OPHN1: variants seen among roughly 807,000 people sequenced by gnomAD.
OPHN1 encodes the protein oligophrenin 1.
A neutral mutation model predicts 60.7 loss-of-function variants in OPHN1; 11 were observed. The ratio of observed to expected loss-of-function variants is 0.18; its 90% CI spans 0.11 to 0.30. OPHN1 has a LOEUF of 0.30. Ranked by LOEUF, OPHN1 falls within the 10% of genes least tolerant of loss-of-function variation. The pLI is 1.00. For missense variants in OPHN1, 449 were observed against 611.0 expected, an observed-to-expected ratio of 0.73 and a Z score of 2.80; for synonymous variants, 226 against 222.6, an observed-to-expected ratio of 1.02 and a Z score of -0.14.
intron 20 of OPHN1, among the ~76,000 whole-genome samples, chrX:68,065,136 T>A (rs954384148): frequency 9.0e-6 from 1 of 110,764 alleles, no homozygotes; most frequent in African/African-American, 3.3e-5. Flanking sequence ...GAACTTAAAG[T>A]ATAATAATAA....
chrX:68,127,943 A>T (rs1449698846), intron 15 of OPHN1, among the ~76,000 whole-genome samples: 1 of 112,282 alleles, frequency 8.9e-6, no homozygotes, highest in East Asian at 2.8e-4. Context: ...ATGTAATTTT[A>T]AAAAGAAACA....
chrX:68,267,431 G>A (rs2077936934), intron 5 of OPHN1, among the ~76,000 whole-genome samples: 2 of 111,890 alleles, frequency 1.8e-5, no homozygotes, highest in South Asian at 7.4e-4. Context: ...AATGACTACT[G>A]GGTACATAAC....
intron 18 of OPHN1, among the ~76,000 whole-genome samples, chrX:68,100,242 C>A (rs1013407447): frequency 2.7e-5 from 3 of 110,416 alleles, no homozygotes; most frequent in Non-Finnish European, 5.7e-5. Flanking sequence ...CTTGCCTTTC[C>A]CACCCTATAC....
chrX:68,247,730 G>A (rs2077813474), intron 5 of OPHN1, among the ~76,000 whole-genome samples: 1 of 101,820 alleles, frequency 9.8e-6, no homozygotes, highest in Admixed American at 1.1e-4. Context: ...ACCAGCCTGG[G>A]TAACATGGCA....
intron 5 of OPHN1, among the ~76,000 whole-genome samples, chrX:68,270,084 A>G (rs1369502066): frequency 9.0e-6 from 1 of 110,836 alleles, no homozygotes; most frequent in Admixed American, 9.6e-5. Context: ...AAAAGTCAGG[A>G]AACAACAGGT....
chrX:68,166,401 G>C (rs192134384), intron 15 of OPHN1, among the ~76,000 whole-genome samples: 1,311 of 110,807 alleles, frequency 0.012, 24 homozygotes, highest in African/African-American at 0.042. Context: ...GGGCGTGGTG[G>C]CGGGCGCCTG....
intron 21 of OPHN1, among the ~76,000 whole-genome samples, chrX:68,058,386 C>G (rs2076881372): frequency 9.0e-6 from 1 of 110,894 alleles, no homozygotes; most frequent in African/African-American, 3.3e-5. Context: ...TATAAACTAG[C>G]ATCCACATTA....
chrX:68,260,338 CT>C (rs2077886999), intron 5 of OPHN1, among the ~76,000 whole-genome samples: 1 of 110,733 alleles, frequency 9.0e-6, no homozygotes, highest in South Asian at 3.9e-4. Context: ...AACAACAGCT[CT>C]AGTTCATTTG....
At chrX:68,079,624 G>T (rs992087953) in intron 19 of OPHN1, among the ~76,000 whole-genome samples, 2 of 111,437 alleles carry the variant, frequency 1.8e-5, no homozygotes, top group Non-Finnish European at 3.8e-5. Context: ...GCACTCATTC[G>T]CTTTCTCAAC....
At position 68,048,419 on chromosome X, in the gene OPHN1, T is replaced by C; in HGVS notation, c.*5A>G. On this transcript the variant is annotated 3_prime_UTR_variant, in exon 24 of 25. Transcript: ENST00000355520. ...ATCAGGGATGGGGACTGCATACCTG[T>C]AGCCTCAACTTTCATCTCCAGGAAG... 8.3e-7 allele frequency: 1 copy of C among 1,208,895 alleles called. No individual in the cohort carries two copies. Among genetic ancestry groups the C allele is most frequent in the South Asian group, 1.8e-5 (1 of 56,862 alleles).
rs758986328 is a variant in OPHN1, at chrX:68,369,718, A to C, written c.154+63149T>G. 3.6e-3 allele frequency among the ~76,000 whole-genome samples: 394 copies of C among 109,851 alleles called. 2 individuals are homozygous for C. Among genetic ancestry groups the C allele is most frequent in the African/African-American group, 0.013 (378 of 30,201 alleles). On this transcript the variant is annotated intron_variant, in intron 2 of 24. Coordinates refer to ENST00000355520, the MANE Select transcript of OPHN1 (RefSeq NM_002547.3). ...AAATTACATACTGTGAGACTGCCAG[A>C]AAGTGAAGAAAAAGGGACAAAAGGA...
chrX:68,267,113 G>A (rs1375497155), intron 5 of OPHN1, among the ~76,000 whole-genome samples: 1 of 111,341 alleles, frequency 9.0e-6, no homozygotes, highest in African/African-American at 3.3e-5. Flanking sequence ...ACATTAGACA[G>A]ATCAAAGAGA....
chrX:68,071,345 G>T, intron 20 of OPHN1: 1 of 736,617 alleles, frequency 1.4e-6, no homozygotes, highest in Non-Finnish European at 2.2e-6. Context: ...ATTTTGGCGG[G>T]CTCACTTTAA....
chrX:68,167,781 C>T (rs998367982), intron 15 of OPHN1, among the ~76,000 whole-genome samples: 3 of 109,244 alleles, frequency 2.7e-5, no homozygotes, highest in African/African-American at 1.0e-4. Flanking sequence ...GATATCTGCC[C>T]ATCCATGTTT....
intron 2 of OPHN1, among the ~76,000 whole-genome samples, chrX:68,372,856 T>A (rs1455824539): frequency 9.0e-6 from 1 of 110,724 alleles, no homozygotes; most frequent in Non-Finnish European, 1.9e-5. Context: ...ATCTTGCACA[T>A]GCTTGTCACA....
At chrX:68,317,957 C>T (rs1042564164) in intron 2 of OPHN1, among the ~76,000 whole-genome samples, 2 of 111,381 alleles carry the variant, frequency 1.8e-5, no homozygotes, top group Admixed American at 9.6e-5. Flanking sequence ...AAAGTTACAA[C>T]GTATCAAAAG....
intron 17 of OPHN1, among the ~76,000 whole-genome samples, chrX:68,112,626 G>A (rs1401410580): frequency 8.9e-6 from 1 of 112,592 alleles, no homozygotes; most frequent in East Asian, 2.8e-4. Flanking sequence ...CACTCATACA[G>A]TGGCCTCAGC....
At chrX:68,072,230 T>A (rs1031788469) in intron 20 of OPHN1, among the ~76,000 whole-genome samples, 2 of 112,103 alleles carry the variant, frequency 1.8e-5, no homozygotes, top group African/African-American at 6.5e-5. Flanking sequence ...GGAGAACTGT[T>A]GAGCAGGAAA....
chrX:68,320,100 A>T (rs2078228328), intron 2 of OPHN1, among the ~76,000 whole-genome samples: 1 of 111,826 alleles, frequency 8.9e-6, no homozygotes, highest in Non-Finnish European at 1.9e-5. Flanking sequence ...CTGTAATCCC[A>T]GCACTTTGAG....
Sources: allele counts gnomAD v4.1 joint callset (sites outside exome capture counted in the v4.1 genomes callset), GRCh38; gene constraint gnomAD v4.1.1; transcripts MANE v1.5; gene names NCBI Gene and HGNC (gene_info 2026-07-23, HGNC 2026-07-21).